Variants in CADM2 observed in about 807,000 individuals in gnomAD.
CADM2 encodes the protein cell adhesion molecule 2.
In CADM2, 12 loss-of-function variants were observed where a neutral mutation model predicts 49.8. The observed-to-expected ratio is 0.24, with a 90% CI of 0.15 to 0.39. CADM2 has a LOEUF of 0.39. Ranked by LOEUF, CADM2 falls within the 10% of genes least tolerant of loss-of-function variation. CADM2 has a pLI of 1.00. For missense variants in CADM2, 378 were observed against 492.3 expected (o/e 0.77, Z 2.20); for synonymous variants, 214 against 175.4 (o/e 1.22, Z -1.74).
chr3:85,101,068 G>T (rs973527086), intron 1 of CADM2, among the ~76,000 whole-genome samples: 1 of 152,032 alleles, frequency 6.6e-6, no homozygotes, highest in African/African-American at 2.4e-5. Flanking sequence ...AATCTGGCCA[G>T]CATGGTGAAA....
At chr3:85,212,294 A>G (rs1430952945) in intron 1 of CADM2, among the ~76,000 whole-genome samples, 1 of 152,072 alleles carries the variant, frequency 6.6e-6, no homozygotes, top group Non-Finnish European at 1.5e-5. Context: ...ATAAGTAAGG[A>G]CATACTCCTG....
At chr3:85,842,638 T>C (rs138433872) in intron 3 of CADM2, among the ~76,000 whole-genome samples, 7 of 152,244 alleles carry the variant, frequency 4.6e-5, no homozygotes, top group African/African-American at 1.7e-4. Flanking sequence ...GGAAGCCATA[T>C]GTCCACACCC....
intron 6 of CADM2, among the ~76,000 whole-genome samples, chr3:85,927,664 C>G (rs1031355877): frequency 1.3e-5 from 2 of 152,136 alleles, no homozygotes; most frequent in African/African-American, 4.8e-5. Flanking sequence ...GTGTTACAAA[C>G]CACTGTATTT....
At position 85,637,484 on chromosome 3, in the gene CADM2, C is replaced by T. The variant is rs2064535468; in HGVS notation, c.62-89038C>T. Among the ~76,000 whole-genome samples, 3 of 148,706 alleles carry T rather than the reference C, an allele frequency of 2.0e-5. No homozygotes were observed. The South Asian group carries it at 6.5e-4, about 32-fold the overall frequency. On this transcript the variant is annotated intron_variant, in intron 1 of 9. Coordinates refer to ENST00000383699, the MANE Select transcript of CADM2 (RefSeq NM_001167675.2). The stretch of plus-strand genomic sequence containing the variant: ...GGGCGCGGTGGCGGGCGCCTGTAGT[C>T]CCAGCTACTCGGGAGGCTGAGGCAG...
rs868859855 is a variant in CADM2 at position 85,539,222 on chromosome 3, A to G, written c.62-187300A>G. ...TCACAATTTTGCCAAGTAGACTGAC[A>G]CATAAGGCTGTAATAGATCAGTGTG... On this transcript the variant is annotated intron_variant, in intron 1 of 9. Coordinates refer to ENST00000383699, the MANE Select transcript of CADM2 (RefSeq NM_001167675.2). 1.5e-4 allele frequency among the ~76,000 whole-genome samples: 22 copies of G among 147,016 alleles called. No individual in the cohort carries two copies. The Middle Eastern group carries it at 0.014, about 95-fold the overall frequency.
chr3:85,322,726 G>C (rs1362049657), intron 1 of CADM2, among the ~76,000 whole-genome samples: 3 of 151,982 alleles, frequency 2.0e-5, no homozygotes, highest in African/African-American at 7.2e-5. Flanking sequence ...TCTTCAAATA[G>C]AGCTTGTAAA....
intron 1 of CADM2, among the ~76,000 whole-genome samples, chr3:85,531,824 C>G (rs1402109955): frequency 6.6e-6 from 1 of 152,076 alleles, no homozygotes; most frequent in Admixed American, 6.6e-5. Context: ...CCTCTAATTG[C>G]TTGTGATAAT....
chr3:85,672,184 A>G lies in CADM2; in HGVS notation c.62-54338A>G, dbSNP rs1314628321. On this transcript the variant is annotated intron_variant, in intron 1 of 9. Coordinates refer to ENST00000383699, the MANE Select transcript of CADM2 (RefSeq NM_001167675.2). ...TTACATAATTCTAAAATTTACTTCT[A>G]GGATGTCTTTTTTTTTTTTTTTTTT... 2.7e-5 allele frequency among the ~76,000 whole-genome samples: 4 copies of G among 147,768 alleles called. No homozygotes were observed. In the East Asian group the frequency reaches 6.3e-4, roughly 23 times the overall value.
chr3:85,242,164 C>T (rs982100588), intron 1 of CADM2, among the ~76,000 whole-genome samples: 1 of 150,554 alleles, frequency 6.6e-6, no homozygotes, highest in Non-Finnish European at 1.5e-5. Flanking sequence ...TGGTATAAAA[C>T]TTTTCTACTT....
At chr3:85,030,438 A>ATTCAACCTCATTCATCATT (rs2034929262) in intron 1 of CADM2, among the ~76,000 whole-genome samples, 1 of 152,186 alleles carries the variant, frequency 6.6e-6, no homozygotes, top group South Asian at 2.1e-4. Flanking sequence ...TATTTTGTCC[A>ATTCAACCTCATTCATCATT]CGGATCATTT....
At chr3:86,020,059 G>A (rs1455378150) in intron 8 of CADM2, among the ~76,000 whole-genome samples, 3 of 152,000 alleles carry the variant, frequency 2.0e-5, no homozygotes, top group Non-Finnish European at 4.4e-5. Flanking sequence ...CTGGTTTTTT[G>A]AAAGGATCAA....
intron 3 of CADM2, among the ~76,000 whole-genome samples, chr3:85,830,168 G>T (rs1267636465): frequency 6.6e-6 from 1 of 151,724 alleles, no homozygotes; most frequent in African/African-American, 2.4e-5. Flanking sequence ...TTCTTCACAC[G>T]CTCGCCAACA....
chr3:85,344,484 G>T (rs1387323193), intron 1 of CADM2, among the ~76,000 whole-genome samples: 7 of 151,778 alleles, frequency 4.6e-5, no homozygotes, highest in Admixed American at 4.6e-4. Context: ...AAGATGTAAA[G>T]ACCAGGGGGG....
intron 1 of CADM2, among the ~76,000 whole-genome samples, chr3:85,623,102 A>G (rs1429119493): frequency 6.6e-6 from 1 of 152,122 alleles, no homozygotes; most frequent in African/African-American, 2.4e-5. Flanking sequence ...CAAAGAAGCC[A>G]TAACATGGGC....
intron 1 of CADM2, among the ~76,000 whole-genome samples, chr3:85,339,286 G>A (rs979690505): frequency 5.3e-5 from 8 of 151,356 alleles, no homozygotes; most frequent in Admixed American, 2.6e-4. Context: ...AATAATAAAA[G>A]TATCACTAAG....
intron 1 of CADM2, among the ~76,000 whole-genome samples, chr3:85,467,381 T>A (rs2038544559): frequency 6.6e-6 from 1 of 152,188 alleles, no homozygotes; most frequent in South Asian, 2.1e-4. Context: ...TTATATTGAT[T>A]CTATGAAATG....
At chr3:85,859,224 CTTTTTTTTTTTTT>C (rs397990427) in intron 3 of CADM2, among the ~76,000 whole-genome samples, 13 of 70,604 alleles carry the variant, frequency 1.8e-4, no homozygotes, top group Middle Eastern at 0.025. Flanking sequence ...TTTTTTTTGT[CTTTTTTTTTTTTT>C]TTTTTTTTTT....
intron 1 of CADM2, among the ~76,000 whole-genome samples, chr3:85,597,199 T>TA (rs920095324): frequency 3.0e-4 from 43 of 145,294 alleles, no homozygotes; most frequent in African/African-American, 1.0e-3. Context: ...TTGTCAAGAT[T>TA]AAAAAAATGC....
intron 1 of CADM2, among the ~76,000 whole-genome samples, chr3:85,204,225 T>G (rs138482542): frequency 6.6e-6 from 1 of 152,338 alleles, no homozygotes; most frequent in African/African-American, 2.4e-5. Context: ...GATGCACAGA[T>G]ATTTTAATCA....
Sources: gnomAD v4.1 joint callset for allele counts (sites outside exome capture counted in the v4.1 genomes callset) on GRCh38, gnomAD v4.1.1 for gene constraint, MANE v1.5 for transcripts, NCBI Gene and HGNC (gene_info 2026-07-23, HGNC 2026-07-21) for gene names.